The following RNF216 variants were observed in gnomAD, a reference collection of about 807,000 sequenced individuals.
RNF216 encodes ring finger protein 216.
Under a neutral mutation model 110.8 loss-of-function variants are expected in RNF216, and 72 were observed. That is an observed-to-expected ratio of 0.65 (90% CI 0.54 to 0.79). RNF216 has a LOEUF of 0.79. Among genes scored for constraint, RNF216 ranks in the 30% least tolerant of loss-of-function variants. The probability of loss-of-function intolerance (pLI) is 0.00; values close to 1 mark genes in which losing one functional copy is unlikely to be tolerated. For synonymous variants in RNF216, 495 were observed against 407.5 expected, an observed-to-expected ratio of 1.21 and a Z score of -2.59; for missense variants, 1,342 against 1,141.2, an observed-to-expected ratio of 1.18 and a Z score of -2.54.
rs1340089875 is a variant in RNF216 at position 5,634,110 on chromosome 7, AAAGCCTTTACGG to A, written c.2382+7032_2382+7043del. On this transcript the variant is annotated intron_variant, in intron 15 of 16. Transcript: ENST00000389902. ...CGCTTGGCACAAAACTATTTTTGCCAAAGCCTTTACGGTCCTTTTGAGACTTTTTTTCCAACA... is the reference window on the plus strand; with the variant it reads ...CGCTTGGCACAAAACTATTTTTGCCATCCTTTTGAGACTTTTTTTCCAACA... Among the ~76,000 whole-genome samples, 10 of 152,390 alleles carry A rather than the reference AAAGCCTTTACGG, an allele frequency of 6.6e-5. No individual in the cohort carries two copies. The East Asian group carries it at 1.7e-3, about 26-fold the overall frequency.
intron 8 of RNF216, 124 bp downstream of exon 8, chr7:5,725,200 A>G: frequency 1.8e-6 from 1 of 547,602 alleles, no homozygotes; most frequent in Non-Finnish European, 3.3e-6. Context: ...CCTGTCAGTC[A>G]CTCCTTGGAC....
At chr7:5,748,695 G>C (rs1795175184) in intron 3 of RNF216, among the ~76,000 whole-genome samples, 1 of 150,526 alleles carries the variant, frequency 6.6e-6, no homozygotes, top group South Asian at 2.1e-4. Flanking sequence ...CATGTTATTG[G>C]TCAACAGTAT....
intron 13 of RNF216, among the ~76,000 whole-genome samples, chr7:5,685,839 T>G (rs947742441): frequency 6.6e-6 from 1 of 152,220 alleles, no homozygotes; most frequent in East Asian, 1.9e-4. Context: ...TTAAGAAGGC[T>G]GGACAAAAGC....
At chr7:5,716,834 T>C in intron 9 of RNF216, 68 bp from the exon 10 acceptor site, 1 of 1,238,436 alleles carries the variant, frequency 8.1e-7, no homozygotes, top group Non-Finnish European at 1.2e-6. Flanking sequence ...ATTTAGTATT[T>C]ATTTCCATAA....
Position 5,712,789 on chromosome 7 carries a change from C to A in RNF216, c.1908G>T (p.Gln636His). 6.2e-7 allele frequency: 1 copy of A among 1,614,050 alleles called. No individual in the cohort carries two copies. The highest frequency in any genetic ancestry group is 1.1e-5 in the South Asian group (1 of 91,062). ...GCTCATAGTACTTATACAGGATGGTCTGGGGGAGCACCTTCTCCAGCTCAC... is the reference window on the plus strand; with the variant it reads ...GCTCATAGTACTTATACAGGATGGTATGGGGGAGCACCTTCTCCAGCTCAC... The part of the protein sequence containing the change: ...PTSELEKVLP[Q>H]TILYKYYERK... The change falls in exon 12 of 17, where the codon CAG becomes CAT. Residue 636 changes from glutamine (Q) to histidine (H), a missense_variant. Transcript: ENST00000389902.
At chr7:5,626,571 G>A (rs1318945383) in intron 15 of RNF216, among the ~76,000 whole-genome samples, 1 of 151,732 alleles carries the variant, frequency 6.6e-6, no homozygotes, top group Non-Finnish European at 1.5e-5. Flanking sequence ...ACAAAATTTA[G>A]CCAGGCATGG....
At chr7:5,634,262 G>T (rs372814651) in intron 15 of RNF216, among the ~76,000 whole-genome samples, 9 of 149,214 alleles carry the variant, frequency 6.0e-5, no homozygotes, top group South Asian at 2.2e-4. Context: ...TTAGAAAGCT[G>T]ACTGGGAATT....
At chr7:5,668,853 T>G (rs1258077327) in intron 13 of RNF216, among the ~76,000 whole-genome samples, 1 of 152,154 alleles carries the variant, frequency 6.6e-6, no homozygotes, top group Non-Finnish European at 1.5e-5. Context: ...CTTCCCCATA[T>G]CTTTACTACG....
intron 13 of RNF216, among the ~76,000 whole-genome samples, chr7:5,660,943 GTT>G (rs1168463360): frequency 0.03 from 2,675 of 90,024 alleles, 38 homozygotes; most frequent in African/African-American, 0.077. Flanking sequence ...GAAGCCTTAG[GTT>G]TTTTTTTTTT....
chr7:5,701,838 T>C (rs559735272), intron 13 of RNF216, among the ~76,000 whole-genome samples: 2 of 152,162 alleles, frequency 1.3e-5, no homozygotes, highest in Admixed American at 6.5e-5. Context: ...AAAAGAACTG[T>C]TGAAACAGAC....
intron 1 of RNF216, among the ~76,000 whole-genome samples, chr7:5,775,458 T>C (rs757014447): frequency 2.4e-4 from 36 of 152,174 alleles, no homozygotes; most frequent in Non-Finnish European, 4.9e-4. Context: ...GGCTCTGTAG[T>C]GCCCCTGGCT....
chr7:5,716,487 A>T (rs1393359854), intron 10 of RNF216, among the ~76,000 whole-genome samples: 2 of 152,112 alleles, frequency 1.3e-5, no homozygotes, highest in Non-Finnish European at 2.9e-5. Flanking sequence ...AATGTCAGGT[A>T]ATGATTTTTA....
chr7:5,694,300 T>C (rs997636562), intron 13 of RNF216, among the ~76,000 whole-genome samples: 2 of 152,254 alleles, frequency 1.3e-5, no homozygotes, highest in African/African-American at 4.8e-5. Flanking sequence ...TCATTCACAC[T>C]GAGCTTGCTT....
intron 13 of RNF216, among the ~76,000 whole-genome samples, chr7:5,686,140 T>C (rs916370088): frequency 2.7e-5 from 4 of 150,792 alleles, no homozygotes; most frequent in Middle Eastern, 6.8e-3. Context: ...GGAGAATCGC[T>C]TGAATCCAGA....
chr7:5,769,268 C>T (rs1796369389), intron 1 of RNF216, among the ~76,000 whole-genome samples: 1 of 151,962 alleles, frequency 6.6e-6, no homozygotes, highest in African/African-American at 2.4e-5. Flanking sequence ...CAGGCGTGCG[C>T]CACCACGCCC....
At chr7:5,725,759 A>G (rs1158218384) in intron 7 of RNF216, among the ~76,000 whole-genome samples, 1 of 150,614 alleles carries the variant, frequency 6.6e-6, no homozygotes, top group East Asian at 2.0e-4. Context: ...CTGCGGCAGG[A>G]GAATCGCTTG....
At chr7:5,759,709 A>G (rs965642788) in intron 2 of RNF216, among the ~76,000 whole-genome samples, 10 of 144,842 alleles carry the variant, frequency 6.9e-5, no homozygotes, top group Non-Finnish European at 1.2e-4. Context: ...TCAGCTCACT[A>G]CAACCTCTGC....
chr7:5,624,096 G>A lies in RNF216; in HGVS notation c.2412C>T (p.Ile804=). 4 of 1,613,732 alleles carry A rather than the reference G, an allele frequency of 2.5e-6. No homozygotes were observed. Among genetic ancestry groups the A allele is most frequent in the Non-Finnish European group, 3.4e-6 (4 of 1,179,936 alleles). ...TCTGTTCCTCTTCAGCCTCCTTCTG[G>A]ATTTCCTCAATAAGCTTCTCATCAT... ...TEDDEKLIEE[I]QKEAEEEQKR... Residue 804 remains isoleucine (I), a synonymous_variant, in exon 16 of 17, where the codon ATC becomes ATT. Coordinates refer to ENST00000389902, the MANE Select transcript of RNF216 (RefSeq NM_207111.4). This position sits in a 1 kb window ranked among gnomAD's most constrained non-coding sequence, Gnocchi z 4.4.
At chr7:5,659,453 G>C (rs1584395483) in intron 13 of RNF216, among the ~76,000 whole-genome samples, 1 of 152,206 alleles carries the variant, frequency 6.6e-6, no homozygotes, top group Non-Finnish European at 1.5e-5. Flanking sequence ...GTCTCATGCT[G>C]AGAAAGTCAG....
Sources: gnomAD v4.1 joint callset for allele counts (sites outside exome capture counted in the v4.1 genomes callset) on GRCh38, gnomAD v4.1.1 for gene constraint, Gnocchi (gnomAD v3.1) non-coding constraint, MANE v1.5 for transcripts, NCBI Gene and HGNC (gene_info 2026-07-23, HGNC 2026-07-21) for gene names.